The following CELF2 variants were observed in gnomAD, a reference collection of about 807,000 sequenced individuals.
CELF2 encodes CUG triplet repeat RNA-binding protein 2.
CELF2 carries 8 observed loss-of-function variants against 62.6 expected under a neutral mutation model. The ratio of observed to expected loss-of-function variants is 0.13; its 90% CI spans 0.07 to 0.23. CELF2 has a LOEUF of 0.23. Among genes scored for constraint, CELF2 ranks in the 10% least tolerant of loss-of-function variants. The probability of loss-of-function intolerance (pLI) is 1.00; values close to 1 mark genes in which losing one functional copy is unlikely to be tolerated. For missense variants in CELF2, 333 were observed against 671.0 expected (o/e 0.50, Z 5.56); for synonymous variants, 258 against 250.0 (o/e 1.03, Z -0.30).
At chr10:10,882,299 A>G (rs1205647908) in intron 1 of CELF2, among the ~76,000 whole-genome samples, 1 of 152,258 alleles carries the variant, frequency 6.6e-6, no homozygotes, top group East Asian at 1.9e-4. Flanking sequence ...AGAAGAAAGC[A>G]GGCAGTGAAT....
chr10:10,874,571 C>T (rs962358680), intron 1 of CELF2, among the ~76,000 whole-genome samples: 1 of 151,986 alleles, frequency 6.6e-6, no homozygotes, highest in Non-Finnish European at 1.5e-5. Context: ...AGAAGAAAAG[C>T]ATTGTTCTCA....
Position 11,117,986 on chromosome 10 carries a change from C to G in CELF2, c.75-47500C>G, listed in dbSNP as rs11256988. Among the ~76,000 whole-genome samples, 38 of 152,270 alleles carry G rather than the reference C, an allele frequency of 2.5e-4. No homozygotes were observed. The East Asian group carries it at 6.6e-3, about 26-fold the overall frequency. Reference sequence around the variant, plus strand: ...TAATGGCTGTGTGGAAATGTTCATTCTCTGCTTCTATGTTTTTAAAAAACA... The same window carrying G: ...TAATGGCTGTGTGGAAATGTTCATTGTCTGCTTCTATGTTTTTAAAAAACA... On this transcript the variant is annotated intron_variant, in intron 1 of 12. Coordinates refer to ENST00000633077, the MANE Select transcript of CELF2 (RefSeq NM_001326342.2). The surrounding 1 kb of genome is among the most constrained non-coding windows in gnomAD (Gnocchi z 4.1).
the CELF2 span, among the ~76,000 whole-genome samples, chr10:10,574,744 T>C: frequency 9.2e-5 from 14 of 152,120 alleles, no homozygotes; most frequent in Non-Finnish European, 2.1e-4. Flanking sequence ...AGTTTTGCTC[T>C]TGTCACCCAG....
chr10:10,533,779 C>T, the CELF2 span, among the ~76,000 whole-genome samples: 4 of 152,130 alleles, frequency 2.6e-5, no homozygotes, highest in Admixed American at 6.5e-5. Context: ...ATCTGAGATG[C>T]TAATGGGCCA....
At position 11,330,678 on chromosome 10, in the gene CELF2, C is replaced by T. The variant is rs1015764334; in HGVS notation, c.*1625C>T. The T allele has an allele frequency of 6.6e-6, 1 of 152,568 alleles. No individual in the cohort carries two copies. The highest frequency in any genetic ancestry group is 2.4e-5 in the African/African-American group (1 of 41,416). 9.5% of individuals were successfully genotyped at this position (152,568 alleles called of 1,614,324 possible). A position where few individuals can be genotyped will look rare whatever the true frequency, so the allele number is the denominator to read the frequency against. ...TGTGAAAAACATTGCTGCATTCATG[C>T]AAGACTGAAATTTATTATTAGACAA... On this transcript the variant is annotated 3_prime_UTR_variant, in exon 13 of 13. Transcript: ENST00000633077. This position sits in a 1 kb window ranked among gnomAD's most constrained non-coding sequence, Gnocchi z 4.5.
chr10:10,886,042 G>A (rs1335616608), intron 1 of CELF2, among the ~76,000 whole-genome samples: 1 of 152,242 alleles, frequency 6.6e-6, no homozygotes, highest in East Asian at 1.9e-4. Flanking sequence ...TCTTTCCCAC[G>A]TGTTCTAATA....
rs1189043610 is a variant in CELF2, at chr10:11,319,002, C to T, written c.1097-2187C>T. ...GGAGGCGTCCACTGGAGACGAGCTGCTGTCTTCAGCCCGTCCTCGTCTGGC... is the reference window on the plus strand; with the variant it reads ...GGAGGCGTCCACTGGAGACGAGCTGTTGTCTTCAGCCCGTCCTCGTCTGGC... On this transcript the variant is annotated intron_variant, in intron 10 of 12. Coordinates refer to ENST00000633077, the MANE Select transcript of CELF2 (RefSeq NM_001326342.2). This position sits in a 1 kb window ranked among gnomAD's most constrained non-coding sequence, Gnocchi z 4.4. The T allele has an allele frequency of 2.1e-6, 1 of 471,138 alleles. No homozygotes were observed. Among genetic ancestry groups the T allele is most frequent in the East Asian group, 7.0e-5 (1 of 14,388 alleles). 29.2% of individuals were successfully genotyped at this position (471,138 alleles called of 1,614,324 possible). A position where few individuals can be genotyped will look rare whatever the true frequency, so the allele number is the denominator to read the frequency against.
chr10:10,580,686 G>A, the CELF2 span, among the ~76,000 whole-genome samples: 3 of 152,124 alleles, frequency 2.0e-5, no homozygotes, highest in South Asian at 2.1e-4. Flanking sequence ...CATAGATTAC[G>A]AAACATTAGA....
chr10:10,912,580 G>T (rs543305519), intron 1 of CELF2, among the ~76,000 whole-genome samples: 1 of 152,192 alleles, frequency 6.6e-6, no homozygotes, highest in Non-Finnish European at 1.5e-5. Flanking sequence ...ATATTGGCCA[G>T]GGTGGTCTTG....
chr10:10,534,376 C>A, the CELF2 span, among the ~76,000 whole-genome samples: 1 of 151,976 alleles, frequency 6.6e-6, no homozygotes, highest in African/African-American at 2.4e-5. Context: ...AGTGGGGAGA[C>A]CGGAGTATGT....
At chr10:11,129,677 A>C (rs990922932) in intron 1 of CELF2, among the ~76,000 whole-genome samples, 4 of 152,166 alleles carry the variant, frequency 2.6e-5, no homozygotes, top group African/African-American at 9.7e-5. Flanking sequence ...AGGTGTTTAC[A>C]GTATTCTCTG....
chr10:10,647,691 A>G, the CELF2 span, among the ~76,000 whole-genome samples: 1 of 152,230 alleles, frequency 6.6e-6, no homozygotes, highest in Non-Finnish European at 1.5e-5. Context: ...AAATCAGGCA[A>G]GAAAAAATAT....
At chr10:10,501,240 A>G in the CELF2 span, among the ~76,000 whole-genome samples, 160 of 152,316 alleles carry the variant, frequency 1.1e-3, no homozygotes, top group Non-Finnish European at 1.9e-3. Flanking sequence ...TGAGTAATCA[A>G]GTTTCTTTGA....
At chr10:11,121,061 G>C (rs1325275071) in intron 1 of CELF2, among the ~76,000 whole-genome samples, 4 of 152,146 alleles carry the variant, frequency 2.6e-5, no homozygotes, top group African/African-American at 9.7e-5. Context: ...TCCTGTCGTG[G>C]ACAGAAATCA....
chr10:10,647,962 C>A, the CELF2 span, among the ~76,000 whole-genome samples: 5 of 152,156 alleles, frequency 3.3e-5, no homozygotes, highest in East Asian at 9.6e-4. Flanking sequence ...GCATTTTGAT[C>A]CACTTCCTTC....
chr10:10,799,676 C>T (rs1280672331), intron 1 of CELF2, among the ~76,000 whole-genome samples: 3 of 135,508 alleles, frequency 2.2e-5, no homozygotes, highest in Non-Finnish European at 4.6e-5. Context: ...TCTCTGAATG[C>T]TCCTAAAAAA....
At chr10:10,558,871 C>T in the CELF2 span, among the ~76,000 whole-genome samples, 1 of 152,082 alleles carries the variant, frequency 6.6e-6, no homozygotes, top group Admixed American at 6.6e-5. Context: ...TCACTGGGCA[C>T]ATGTGACTGA....
chr10:10,729,395 C>T, the CELF2 span, among the ~76,000 whole-genome samples: 3 of 152,112 alleles, frequency 2.0e-5, 1 homozygote, highest in Non-Finnish European at 4.4e-5. Context: ...TTGGTAAAGA[C>T]ATGTTTTTCC....
chr10:10,559,967 G>A, the CELF2 span, among the ~76,000 whole-genome samples: 1 of 152,184 alleles, frequency 6.6e-6, no homozygotes, highest in Non-Finnish European at 1.5e-5. Flanking sequence ...CTGTACTTCT[G>A]TAGTGTATAT....
Sources: gnomAD v4.1 joint callset for allele counts (sites outside exome capture counted in the v4.1 genomes callset) on GRCh38, gnomAD v4.1.1 for gene constraint, Gnocchi (gnomAD v3.1) non-coding constraint, MANE v1.5 for transcripts, NCBI Gene and HGNC (gene_info 2026-07-23, HGNC 2026-07-21) for gene names.